Variants in KCNK12 observed in about 807,000 individuals in gnomAD.
KCNK12 encodes the protein potassium two pore domain channel subfamily K member 12.
KCNK12 carries 6 observed loss-of-function variants against 25.3 expected under a neutral mutation model. That is an observed-to-expected ratio of 0.24 (90% CI 0.13 to 0.47). KCNK12 has a LOEUF of 0.47. Ranked by LOEUF, KCNK12 falls within the 20% of genes least tolerant of loss-of-function variation. The pLI, the probability that KCNK12 is intolerant of heterozygous loss-of-function variation, is 0.99. For synonymous variants in KCNK12, 331 were observed against 311.1 expected (o/e 1.06, Z -0.67); for missense variants, 444 against 661.7 (o/e 0.67, Z 3.61).
intron 1 of KCNK12, chr2:47,567,178 C>A (rs946025781): frequency 1.3e-5 from 2 of 152,204 alleles, no homozygotes; most frequent in Non-Finnish European, 2.9e-5. Flanking sequence ...GTATAAATAG[C>A]TGAATCAAAT....
At chr2:47,552,497 G>A (rs1669458534) in intron 1 of KCNK12, among the ~76,000 whole-genome samples, 1 of 152,210 alleles carries the variant, frequency 6.6e-6, no homozygotes, top group African/African-American at 2.4e-5. Context: ...GTAGAGCCTG[G>A]CGGCTCATGC....
chr2:47,564,585 CAGTT>C (rs1358125357), intron 1 of KCNK12: 3 of 193,118 alleles, frequency 1.6e-5, no homozygotes, highest in Non-Finnish European at 2.2e-5. Flanking sequence ...CAGTACACAT[CAGTT>C]AGTTTCCTTT....
chr2:47,541,473 T>C (rs185141935), intron 1 of KCNK12, among the ~76,000 whole-genome samples: 4 of 152,284 alleles, frequency 2.6e-5, no homozygotes, highest in Admixed American at 2.6e-4. Flanking sequence ...TCTAGGAATG[T>C]TCTGATGAGT....
At chr2:47,563,268 C>T (rs1412025179) in intron 1 of KCNK12, 10 of 233,628 alleles carry the variant, frequency 4.3e-5, no homozygotes, top group East Asian at 2.4e-4. Context: ...CTGTGCGTAG[C>T]GCAACACTCA....
chr2:47,553,240 A>G (rs2104856563), intron 1 of KCNK12, among the ~76,000 whole-genome samples: 1 of 152,390 alleles, frequency 6.6e-6, no homozygotes. Flanking sequence ...AAATAAAATT[A>G]TAACGCATAG....
chr2:47,544,759 G>A (rs1669276353), intron 1 of KCNK12, among the ~76,000 whole-genome samples: 1 of 152,196 alleles, frequency 6.6e-6, no homozygotes, highest in African/African-American at 2.4e-5. Flanking sequence ...GCTAGGTCCT[G>A]TGGGGGATGC....
At chr2:47,545,172 G>C (rs1189098104) in intron 1 of KCNK12, among the ~76,000 whole-genome samples, 1 of 152,172 alleles carries the variant, frequency 6.6e-6, no homozygotes. Context: ...AAATGAAGGA[G>C]GAGGCTCCAT....
rs1227694879 is a variant in KCNK12, at chr2:47,509,581, G to T, written c.*11326C>A. Among the ~76,000 whole-genome samples the T allele has an allele frequency of 1.3e-5, 2 of 152,234 alleles. No individual in the cohort carries two copies. The highest frequency in any genetic ancestry group is 4.8e-5 in the African/African-American group (2 of 41,454). ...GTCTCTCCTTAGCACATAAGACCCT[G>T]TCCGAGGACTGTGGCATGACGTGCT... On this transcript the variant is annotated 3_prime_UTR_variant, in exon 2 of 2. Coordinates refer to ENST00000327876, the MANE Select transcript of KCNK12 (RefSeq NM_022055.2).
intron 1 of KCNK12, among the ~76,000 whole-genome samples, chr2:47,553,728 A>G (rs1477611100): frequency 2.0e-4 from 30 of 152,206 alleles, no homozygotes; most frequent in Admixed American, 2.0e-3. Context: ...TACCAAGTTT[A>G]AATGTTTCCA....
Position 47,520,963 on chromosome 2 carries a change from C to A in KCNK12, c.1237G>T (p.Val413Leu). 1 of 1,307,714 alleles carries A rather than the reference C, an allele frequency of 7.6e-7. No individual in the cohort carries two copies. The highest frequency in any genetic ancestry group is 9.8e-7 in the Non-Finnish European group (1 of 1,025,380). 81.0% of individuals were successfully genotyped at this position (1,307,714 alleles called of 1,614,324 possible). Reference protein sequence around the residue: ...NTRQNGFSGGVGALGIMNNRL... With the variant: ...NTRQNGFSGGLGALGIMNNRL... ...TTGTTCATGATGCCCAGCGCGCCCA[C>A]GCCGCCCGAGAAGCCGTTCTGGCGC... The change falls in exon 2 of 2, where the codon GTG becomes TTG. Residue 413 changes from valine (V) to leucine (L), a missense_variant. By Grantham distance (32) the Val-to-Leu change is conservative. This residue lies in a region of KCNK12 where 57 missense variants were observed against 68.9 expected (regional missense o/e 0.83). Coordinates refer to ENST00000327876, the MANE Select transcript of KCNK12 (RefSeq NM_022055.2). This position sits in a 1 kb window ranked among gnomAD's most constrained non-coding sequence, Gnocchi z 5.0.
In KCNK12 at chr2:47,556,583, G is replaced by C. The variant is rs1558563641; in HGVS notation, c.391+13358C>G. On this transcript the variant is annotated intron_variant, in intron 1 of 1. Coordinates refer to ENST00000327876, the MANE Select transcript of KCNK12 (RefSeq NM_022055.2). The surrounding 1 kb of genome is among the most constrained non-coding windows in gnomAD (Gnocchi z 4.8). ...GTCAGCATCTCTGCATAGTTTGTTA[G>C]CCATATTCAGCTGCTTGAGGGCAGA... Among the ~76,000 whole-genome samples, 4 of 152,104 alleles carry C rather than the reference G, an allele frequency of 2.6e-5. No homozygotes were observed. The South Asian group carries it at 6.2e-4, about 24-fold the overall frequency.
Position 47,521,003 on chromosome 2 carries a change from G to A in KCNK12, c.1197C>T (p.Ser399=), listed in dbSNP as rs1668640799. The change falls in exon 2 of 2, where the codon AGC becomes AGT. Residue 399 remains serine, a synonymous_variant. Transcript: ENST00000327876. ...LSETANGYPR[S]VCVNTRQNGF... is the part of the protein sequence containing the mutation. ...CGTTCTGGCGCGTGTTGACGCACAC[G>A]CTGCGCGGGTAGCCGTTGGCCGTCT... 3.6e-6 allele frequency: 5 copies of A among 1,373,424 alleles called. No homozygotes were observed. The highest frequency in any genetic ancestry group is 1.9e-4 in the Middle Eastern group (1 of 5,322). The allele number at this position is 1,373,424 out of a possible 1,614,324, so 85.1% of individuals were successfully genotyped here. A position where few individuals can be genotyped will look rare whatever the true frequency, so the allele number is the denominator to read the frequency against.
At chr2:47,563,345 G>A (rs1003714917) in intron 1 of KCNK12, 1 of 224,982 alleles carries the variant, frequency 4.4e-6, no homozygotes, top group East Asian at 6.4e-5. Flanking sequence ...TATGTGAGCA[G>A]TGTGTGTGTG....
Position 47,521,009 on chromosome 2 carries a change from C to A in KCNK12, c.1191G>T (p.Pro397=). 1 of 1,395,870 alleles carries A rather than the reference C, an allele frequency of 7.2e-7. No homozygotes were observed. The highest frequency in any genetic ancestry group is 9.3e-7 in the Non-Finnish European group (1 of 1,072,132). The allele number at this position is 1,395,870 out of a possible 1,614,324, so 86.5% of individuals were successfully genotyped here. The change falls in exon 2 of 2, where the codon CCG becomes CCT. Residue 397 remains proline (P), a synonymous_variant. Coordinates refer to ENST00000327876, the MANE Select transcript of KCNK12 (RefSeq NM_022055.2). ...GGCGCGTGTTGACGCACACGCTGCG[C>A]GGGTAGCCGTTGGCCGTCTCCGACA... ...KQLSETANGY[P]RSVCVNTRQN...
chr2:47,547,985 G>A lies in KCNK12; in HGVS notation c.391+21956C>T, dbSNP rs1361673166. On this transcript the variant is annotated intron_variant, in intron 1 of 1. Transcript: ENST00000327876. The surrounding 1 kb of genome is among the most constrained non-coding windows in gnomAD (Gnocchi z 5.0). ...CATGGGGGTGGATTTCCCCCTTGCCGTTCTCATGATAGTAAGTTCTCATGA... is the reference window on the plus strand; with the variant it reads ...CATGGGGGTGGATTTCCCCCTTGCCATTCTCATGATAGTAAGTTCTCATGA... Among the ~76,000 whole-genome samples, 3 of 152,100 alleles carry A rather than the reference G, an allele frequency of 2.0e-5. No individual in the cohort carries two copies. Among genetic ancestry groups the A allele is most frequent in the East Asian group, 1.9e-4 (1 of 5,188 alleles).
At chr2:47,539,340 T>C (rs767573039) in intron 1 of KCNK12, among the ~76,000 whole-genome samples, 2 of 152,214 alleles carry the variant, frequency 1.3e-5, no homozygotes. Context: ...TTATATGCTC[T>C]CAATCAAGGA....
At position 47,519,182 on chromosome 2, in the gene KCNK12, A is replaced by C. The variant is rs1453669135; in HGVS notation, c.*1725T>G. ...CCCAACTCAAATCAGAAATTACCCA[A>C]AATAGCTGGAGAGTCACTGAGATCT... On this transcript the variant is annotated 3_prime_UTR_variant, in exon 2 of 2. Transcript: ENST00000327876. 2 of 152,218 alleles carry C rather than the reference A, an allele frequency of 1.3e-5. No homozygotes were observed. Among genetic ancestry groups the C allele is most frequent in the African/African-American group, 4.8e-5 (2 of 41,460 alleles). The allele number at this position is 152,218 out of a possible 1,614,324, so 9.4% of individuals were successfully genotyped here.
chr2:47,535,460 G>A (rs533335244), intron 1 of KCNK12, among the ~76,000 whole-genome samples: 54 of 152,238 alleles, frequency 3.5e-4, no homozygotes, highest in African/African-American at 1.2e-3. Flanking sequence ...TAATGGGGGC[G>A]CACCCCTCCT....
rs1330994955 is a variant in KCNK12 at position 47,525,029 on chromosome 2, T to C, written c.392-3221A>G. 6.6e-6 allele frequency among the ~76,000 whole-genome samples: 1 copy of C among 150,800 alleles called. No homozygotes were observed. The highest frequency in any genetic ancestry group is 1.5e-5 in the Non-Finnish European group (1 of 68,038). ...GAAAATCCTGGGCCTGGAAAACCAA[T>C]ACTTTGTCTAACTAAGAAAATACTG... On this transcript the variant is annotated intron_variant, in intron 1 of 1. Coordinates refer to ENST00000327876, the MANE Select transcript of KCNK12 (RefSeq NM_022055.2). This position sits in a 1 kb window ranked among gnomAD's most constrained non-coding sequence, Gnocchi z 4.1.
Sources: gnomAD v4.1 joint callset for allele counts (sites outside exome capture counted in the v4.1 genomes callset) on GRCh38, gnomAD v4.1.1 for gene constraint, gnomAD v4.1.1 regional missense constraint, Gnocchi (gnomAD v3.1) non-coding constraint, MANE v1.5 for transcripts, NCBI Gene and HGNC (gene_info 2026-07-23, HGNC 2026-07-21) for gene names.